ZBTB33: variants seen among roughly 807,000 people sequenced by gnomAD.
ZBTB33 encodes the protein zinc finger and BTB domain containing 33.
A neutral mutation model predicts 25.9 loss-of-function variants in ZBTB33; 11 were observed. The ratio of observed to expected loss-of-function variants is 0.42; its 90% CI spans 0.27 to 0.70. The LOEUF (loss-of-function observed/expected upper bound fraction) is 0.70. ZBTB33 is among the 30% of genes least tolerant of loss of function. The probability of loss-of-function intolerance (pLI) is 0.23; values close to 1 mark genes in which losing one functional copy is unlikely to be tolerated. For synonymous variants in ZBTB33, 157 were observed against 184.8 expected (o/e 0.85, Z 1.22); for missense variants, 343 against 501.1 (o/e 0.68, Z 3.01).
chrX:120,253,366 T>C (rs782542679), intron 2 of ZBTB33, 48 bp from the exon 3 acceptor site: 4 of 1,082,969 alleles, frequency 3.7e-6, no homozygotes, highest in South Asian at 2.3e-5. Flanking sequence ...AGTACTTTTG[T>C]TTTTTCTCTC....
At position 120,253,750 on chromosome X, in the gene ZBTB33, T is replaced by G; in HGVS notation, c.335T>G (p.Phe112Cys). 1 of 1,211,662 alleles carries G rather than the reference T, an allele frequency of 8.3e-7. No individual in the cohort carries two copies. Among genetic ancestry groups the G allele is most frequent in the Non-Finnish European group, 1.1e-6 (1 of 895,529 alleles). Residue 112 changes from phenylalanine (F) to cysteine (C), a missense_variant, in exon 3 of 3, where the codon TTT becomes TGT. By Grantham distance (205) the Phe-to-Cys change is radical. Around this residue, in one of 2 missense-constraint regions of ZBTB33, gnomAD observed 39 missense variants for 91.1 expected, o/e 0.43. Coordinates refer to ENST00000557385, the MANE Select transcript of ZBTB33 (RefSeq NM_001184742.2). ...IKSGQLLGVK[F>C]IAELGVPLSQ... ...TCAGGGCAGTTATTAGGAGTGAAAT[T>G]TATAGCAGAGCTTGGTGTCCCATTG...
intron 1 of ZBTB33, among the ~76,000 whole-genome samples, chrX:120,251,406 C>G (rs782167117): frequency 3.6e-5 from 4 of 110,727 alleles, no homozygotes; most frequent in South Asian, 3.9e-4. Context: ...CATCCCCCCC[C>G]CAACACCCCA....
In ZBTB33 at chrX:120,258,180, G is replaced by A. The variant is rs1387576604; in HGVS notation, c.*2746G>A. The A allele has an allele frequency of 1.6e-5, 2 of 122,977 alleles. No individual in the cohort carries two copies. The highest frequency in any genetic ancestry group is 3.8e-5 in the Non-Finnish European group (2 of 53,086). The allele number at this position is 122,977 out of a possible 1,213,427, so 10.1% of individuals were successfully genotyped here. A position where few individuals can be genotyped will look rare whatever the true frequency, so the allele number is the denominator to read the frequency against. ...AACACTGATCAAGGTATTTTGTATT[G>A]TCAAGGCATGCATATTCTAAAGAAT... On this transcript the variant is annotated 3_prime_UTR_variant, in exon 3 of 3. Coordinates refer to ENST00000557385, the MANE Select transcript of ZBTB33 (RefSeq NM_001184742.2).
Position 120,250,891 on chromosome X carries a change from T to G in ZBTB33, c.-191T>G, listed in dbSNP as rs927312675. On this transcript the variant is annotated 5_prime_UTR_variant, in exon 1 of 3. Transcript: ENST00000557385. ...AGCGACGTTTAAAGAAGGGGCAGAA[T>G]CGCTGGGGAGTGCGGCTTCTTCTTG... 1 of 113,233 alleles carries G rather than the reference T, an allele frequency of 8.8e-6. No individual in the cohort carries two copies. Among genetic ancestry groups the G allele is most frequent in the Non-Finnish European group, 1.9e-5 (1 of 53,617 alleles). 9.3% of individuals were successfully genotyped at this position (113,233 alleles called of 1,213,427 possible).
rs782323742 is a variant in ZBTB33 at position 120,255,698 on chromosome X, T to G, written c.*264T>G. 14 of 295,465 alleles carry G rather than the reference T, an allele frequency of 4.7e-5. No individual in the cohort carries two copies. Among genetic ancestry groups the G allele is most frequent in the Middle Eastern group, 9.7e-4 (1 of 1,033 alleles). The allele number at this position is 295,465 out of a possible 1,213,427, so 24.3% of individuals were successfully genotyped here. On this transcript the variant is annotated 3_prime_UTR_variant, in exon 3 of 3. Transcript: ENST00000557385. The stretch of plus-strand genomic sequence containing the variant: ...GGCAAAAATTAAAAGCTTGGAGAGA[T>G]AGTTTCCTGAATAGAATTTGAAGCA...
rs1378770928 is a variant in ZBTB33, at chrX:120,252,734, GAGGGGAAGGGACA to G, written c.-32_-20del. The stretch of plus-strand genomic sequence containing the variant: ...CTGGAAATTGTAAAGATGGAGAGAT[GAGGGGAAGGGACA>G]AGGGGATGAAGAAAGAGGAAAGGGT... On this transcript the variant is annotated 5_prime_UTR_variant, in exon 2 of 3. It adds an upstream start codon to the 5' untranslated region. Coordinates refer to ENST00000557385, the MANE Select transcript of ZBTB33 (RefSeq NM_001184742.2). The G allele has an allele frequency of 8.9e-6, 1 of 111,892 alleles. No homozygotes were observed. Among genetic ancestry groups the G allele is most frequent in the Non-Finnish European group, 1.9e-5 (1 of 53,229 alleles). 9.2% of individuals were successfully genotyped at this position (111,892 alleles called of 1,213,427 possible).
Position 120,255,489 on chromosome X carries a change from A to G in ZBTB33, c.*55A>G. ...TTGGATGATGGGGCAGGGGTTTCAG[A>G]AGATCTGTAAAACAAATTAAGGTGC... On this transcript the variant is annotated 3_prime_UTR_variant, in exon 3 of 3. Transcript: ENST00000557385. 3.1e-6 allele frequency: 3 copies of G among 964,409 alleles called. No individual in the cohort carries two copies. The highest frequency in any genetic ancestry group is 4.3e-6 in the Non-Finnish European group (3 of 701,619). 79.5% of individuals were successfully genotyped at this position (964,409 alleles called of 1,213,427 possible).
Position 120,254,861 on chromosome X carries a change from T to A in ZBTB33, c.1446T>A (p.Asp482Glu), listed in dbSNP as rs781874187. ...ANKRMKVKHDDHYELIVDGRV... is the reference protein window; with the variant it reads ...ANKRMKVKHDEHYELIVDGRV... ...AACGTATGAAAGTAAAACATGATGATCACTATGAGTTAATAGTAGATGGAA... is the reference window on the plus strand; with the variant it reads ...AACGTATGAAAGTAAAACATGATGAACACTATGAGTTAATAGTAGATGGAA... Residue 482 changes from aspartate to glutamate, a missense_variant, in exon 3 of 3, where the codon GAT becomes GAA. Asp to Glu is a conservative substitution (Grantham distance 45, BLOSUM62 2). Coordinates refer to ENST00000557385, the MANE Select transcript of ZBTB33 (RefSeq NM_001184742.2). The A allele has an allele frequency of 3.6e-5, 44 of 1,210,382 alleles. No individual in the cohort carries two copies. Among genetic ancestry groups the A allele is most frequent in the Non-Finnish European group, 4.9e-5 (44 of 895,198 alleles).
chrX:120,254,786 C>A lies in ZBTB33; in HGVS notation c.1371C>A (p.Ala457=), dbSNP rs782477054. ...PVKDDPDEGE[A]RLENEIPKTS... is the part of the protein sequence containing the mutation. ...AAGATGACCCTGATGAAGGGGAGGC[C>A]AGACTTGAGAATGAAATACCAAAAA... Residue 457 remains alanine (A), a synonymous_variant, in exon 3 of 3, where the codon GCC becomes GCA. Transcript: ENST00000557385. The A allele has an allele frequency of 2.1e-5, 25 of 1,209,768 alleles. No individual in the cohort carries two copies. Among genetic ancestry groups the A allele is most frequent in the Non-Finnish European group, 2.7e-5 (24 of 895,119 alleles).
In ZBTB33 at chrX:120,250,940, G is replaced by A. The variant is rs2057594811; in HGVS notation, c.-142G>A. 1 of 113,101 alleles carries A rather than the reference G, an allele frequency of 8.8e-6. No homozygotes were observed. The highest frequency in any genetic ancestry group is 1.9e-5 in the Non-Finnish European group (1 of 53,473). 9.3% of individuals were successfully genotyped at this position (113,101 alleles called of 1,213,427 possible). ...TGTTGGGGGACTCCCAGCCTTCCGCGCGTCCGGAGGAGGAGAAGCGGCGGC... is the reference window on the plus strand; with the variant it reads ...TGTTGGGGGACTCCCAGCCTTCCGCACGTCCGGAGGAGGAGAAGCGGCGGC... On this transcript the variant is annotated 5_prime_UTR_variant, in exon 1 of 3. Transcript: ENST00000557385.
At chrX:120,253,337 AC>A in intron 2 of ZBTB33, 76 bp from the exon 3 acceptor site, 2 of 921,602 alleles carry the variant, frequency 2.2e-6, no homozygotes, top group Non-Finnish European at 3.0e-6. Context: ...TAATGATGCT[AC>A]TGCTTAAATT....
Position 120,256,932 on chromosome X carries a change from C to A in ZBTB33, c.*1498C>A, listed in dbSNP as rs2057642160. 2 of 121,970 alleles carry A rather than the reference C, an allele frequency of 1.6e-5. No individual in the cohort carries two copies. Among genetic ancestry groups the A allele is most frequent in the South Asian group, 7.5e-4 (2 of 2,650 alleles). The allele number at this position is 121,970 out of a possible 1,213,427, so 10.1% of individuals were successfully genotyped here. A position where few individuals can be genotyped will look rare whatever the true frequency, so the allele number is the denominator to read the frequency against. On this transcript the variant is annotated 3_prime_UTR_variant, in exon 3 of 3. Transcript: ENST00000557385. ...CTGACCATGTATTTTAAAATATAGTCTATTTCTTGACTTTGAACTTAAAGC... is the reference window on the plus strand; with the variant it reads ...CTGACCATGTATTTTAAAATATAGTATATTTCTTGACTTTGAACTTAAAGC...
Position 120,253,996 on chromosome X carries a change from A to T in ZBTB33, c.581A>T (p.Asp194Val). 1 of 1,209,105 alleles carries T rather than the reference A, an allele frequency of 8.3e-7. No homozygotes were observed. The highest frequency in any genetic ancestry group is 1.1e-6 in the Non-Finnish European group (1 of 893,763). The change falls in exon 3 of 3, where the codon GAT (aspartate) becomes GTT (valine). Residue 194 changes from aspartate (D) to valine (V), a missense_variant. Around this residue, in one of 2 missense-constraint regions of ZBTB33, gnomAD observed 304 missense variants for 410.0 expected, o/e 0.74. Transcript: ENST00000557385. ...IVTDSDDDDD[D>V]VIFCSEILPT... is the part of the protein sequence containing the mutation. Reference sequence around the variant, plus strand: ...ACCGATTCTGATGATGATGATGATGATGTCATTTTTTGCTCCGAGATTCTG... The same window carrying T: ...ACCGATTCTGATGATGATGATGATGTTGTCATTTTTTGCTCCGAGATTCTG...
chrX:120,254,898 A>G lies in ZBTB33; in HGVS notation c.1483A>G (p.Ile495Val). The G allele has an allele frequency of 8.3e-7, 1 of 1,211,976 alleles. No homozygotes were observed. Among genetic ancestry groups the G allele is most frequent in the Non-Finnish European group, 1.1e-6 (1 of 895,475 alleles). Residue 495 changes from isoleucine (I) to valine (V), a missense_variant, in exon 3 of 3, where the codon ATC (isoleucine) becomes GTC (valine). Coordinates refer to ENST00000557385, the MANE Select transcript of ZBTB33 (RefSeq NM_001184742.2). ...AATAGTAGATGGAAGGGTCTATTATATCTGTATTGTATGCAAAAGGTCATA... is the reference window on the plus strand; with the variant it reads ...AATAGTAGATGGAAGGGTCTATTATGTCTGTATTGTATGCAAAAGGTCATA... ...ELIVDGRVYYICIVCKRSYVC... is the reference protein window; with the variant it reads ...ELIVDGRVYYVCIVCKRSYVC...
chrX:120,253,295 C>T, intron 2 of ZBTB33, 119 bp from the exon 3 acceptor site: 1 of 762,348 alleles, frequency 1.3e-6, no homozygotes, highest in Non-Finnish European at 1.8e-6. Context: ...AAAAATTATG[C>T]TGAACTTTGG....
Position 120,257,892 on chromosome X carries a change from C to G in ZBTB33, c.*2458C>G, listed in dbSNP as rs2057648671. On this transcript the variant is annotated 3_prime_UTR_variant, in exon 3 of 3. Coordinates refer to ENST00000557385, the MANE Select transcript of ZBTB33 (RefSeq NM_001184742.2). Reference sequence around the variant, plus strand: ...TCCTTTTCTTGTTTGAAGTTAGCTTCAAATTTGCTCCTATGCTAAATTACC... The same window carrying G: ...TCCTTTTCTTGTTTGAAGTTAGCTTGAAATTTGCTCCTATGCTAAATTACC... 8.1e-6 allele frequency: 1 copy of G among 122,944 alleles called. No individual in the cohort carries two copies. The highest frequency in any genetic ancestry group is 3.3e-5 in the African/African-American group (1 of 30,711). 10.1% of individuals were successfully genotyped at this position (122,944 alleles called of 1,213,427 possible). A position where few individuals can be genotyped will look rare whatever the true frequency, so the allele number is the denominator to read the frequency against.
rs782263109 is a variant in ZBTB33, at chrX:120,255,435, ACTC to A, written c.*4_*6del. 9.0e-5 allele frequency: 106 copies of A among 1,179,095 alleles called. No homozygotes were observed. The highest frequency in any genetic ancestry group is 1.2e-4 in the Non-Finnish European group (101 of 875,035). ...ATTTATAATACCAGAGTCTTACTAA[ACTC>A]CTTTGAAATACTAGAAAGTTTTGTT... On this transcript the variant is annotated 3_prime_UTR_variant, in exon 3 of 3. Coordinates refer to ENST00000557385, the MANE Select transcript of ZBTB33 (RefSeq NM_001184742.2).
Position 120,254,852 on chromosome X carries a change from A to G in ZBTB33, c.1437A>G (p.Lys479=), listed in dbSNP as rs1460620332. 1 of 1,212,092 alleles carries G rather than the reference A, an allele frequency of 8.3e-7. No homozygotes were observed. The highest frequency in any genetic ancestry group is 1.1e-6 in the Non-Finnish European group (1 of 895,562). The change falls in exon 3 of 3, where the codon AAA becomes AAG. Residue 479 remains lysine, a synonymous_variant. Transcript: ENST00000557385. ...TGGCAAACAAACGTATGAAAGTAAA[A>G]CATGATGATCACTATGAGTTAATAG... is the stretch of plus-strand genomic sequence containing the variant. ...SEMANKRMKV[K]HDDHYELIVD... is the part of the protein sequence containing the mutation.
In ZBTB33 at chrX:120,255,693, A is replaced by G. The variant is rs1418350985; in HGVS notation, c.*259A>G. On this transcript the variant is annotated 3_prime_UTR_variant, in exon 3 of 3. Transcript: ENST00000557385. ...AAAGAGGCAAAAATTAAAAGCTTGGAGAGATAGTTTCCTGAATAGAATTTG... is the reference window on the plus strand; with the variant it reads ...AAAGAGGCAAAAATTAAAAGCTTGGGGAGATAGTTTCCTGAATAGAATTTG... 1.6e-5 allele frequency: 5 copies of G among 305,324 alleles called. No homozygotes were observed. The highest frequency in any genetic ancestry group is 2.3e-5 in the Non-Finnish European group (4 of 170,282). The allele number at this position is 305,324 out of a possible 1,213,427, so 25.2% of individuals were successfully genotyped here. A position where few individuals can be genotyped will look rare whatever the true frequency, so the allele number is the denominator to read the frequency against.
Sources: gnomAD v4.1 joint callset for allele counts (sites outside exome capture counted in the v4.1 genomes callset) on GRCh38, gnomAD v4.1.1 for gene constraint, gnomAD v4.1.1 regional missense constraint, MANE v1.5 for transcripts, NCBI Gene and HGNC (gene_info 2026-07-23, HGNC 2026-07-21) for gene names.